NOMO1: variants seen among roughly 807,000 people sequenced by gnomAD.
NOMO1 encodes nodal modulator 3.
In NOMO1, 40 loss-of-function variants were observed where a neutral mutation model predicts 133.8. That is an observed-to-expected ratio of 0.30 (90% confidence interval 0.23 to 0.39). The LOEUF (loss-of-function observed/expected upper bound fraction) is 0.39. Among genes scored for constraint, NOMO1 ranks in the 10% least tolerant of loss-of-function variants. The pLI, the probability that NOMO1 is intolerant of heterozygous loss-of-function variation, is 1.00. For synonymous variants in NOMO1, 236 were observed against 570.5 expected (o/e 0.41, Z 8.36); for missense variants, 462 against 1,419.9 (o/e 0.33, Z 10.84).
At chr16:14,884,518 C>T in intron 27 of NOMO1, 36 bp downstream of exon 27, 1 of 1,611,262 alleles carries the variant, frequency 6.2e-7, no homozygotes, top group Non-Finnish European at 8.5e-7. Context: ...GTATTGTGTT[C>T]CCTTTGGCTT....
intron 30 of NOMO1, 62 bp from the exon 31 acceptor site, chr16:14,895,452 T>C: frequency 1.9e-6 from 3 of 1,609,042 alleles, no homozygotes; most frequent in South Asian, 2.2e-5. Flanking sequence ...GAGGCTCCGC[T>C]GTTCATCTGG....
chr16:14,835,932 G>T (rs997121385), intron 1 of NOMO1, among the ~76,000 whole-genome samples: 3 of 151,760 alleles, frequency 2.0e-5, no homozygotes, highest in African/African-American at 7.3e-5. Flanking sequence ...TAGCAGTACA[G>T]TGAACAGAAC....
At chr16:14,880,777 A>T (rs994095343) in intron 24 of NOMO1, among the ~76,000 whole-genome samples, 14 of 151,920 alleles carry the variant, frequency 9.2e-5, no homozygotes, top group Admixed American at 2.6e-4. Flanking sequence ...TGAAAAGAGT[A>T]TAGTGTAAAA....
chr16:14,874,011 G>C (rs1458639863), intron 18 of NOMO1, among the ~76,000 whole-genome samples: 1 of 148,746 alleles, frequency 6.7e-6, no homozygotes, highest in East Asian at 2.0e-4. Context: ...TTTACCACTT[G>C]GCCCTCAGCC....
At chr16:14,881,402 G>A (rs1163820028) in intron 24 of NOMO1, 142 bp from the exon 25 acceptor site, 22 of 1,586,604 alleles carry the variant, frequency 1.4e-5, no homozygotes, top group Middle Eastern at 2.3e-4. Flanking sequence ...GAAGTGGGCC[G>A]GCCACACTGA....
chr16:14,864,575 G>A lies in NOMO1; in HGVS notation c.1396-10G>A, dbSNP rs370314055. The A allele has an allele frequency of 1.4e-5, 22 of 1,613,468 alleles. No homozygotes were observed. In the African/African-American group the frequency reaches 1.9e-4, roughly 14 times the overall value. On this transcript the variant is annotated splice_polypyrimidine_tract_variant and intron_variant, in intron 12 of 30. Transcript: ENST00000287667. Reference sequence around the variant, plus strand: ...ATGCAGCCTCTAACGTTCCATCCACGTTTCCACAGGTGATGGTTCCTGAGG... The same window carrying A: ...ATGCAGCCTCTAACGTTCCATCCACATTTCCACAGGTGATGGTTCCTGAGG...
chr16:14,866,733 G>T, intron 15 of NOMO1, 42 bp downstream of exon 15: 1 of 1,609,718 alleles, frequency 6.2e-7, no homozygotes. Context: ...AAAAGCGCTC[G>T]CCTTGTGGAT....
chr16:14,865,897 C>A (rs1177679897), intron 14 of NOMO1, among the ~76,000 whole-genome samples: 1 of 114,612 alleles, frequency 8.7e-6, no homozygotes, highest in African/African-American at 3.6e-5. Flanking sequence ...TCGTGTGTAA[C>A]AGTGGCCAAG....
intron 27 of NOMO1, 37 bp from the exon 28 acceptor site, chr16:14,886,724 A>C (rs1248058595): frequency 6.2e-7 from 1 of 1,610,370 alleles, no homozygotes. Context: ...ATTGTGTTTC[A>C]GTTTCAAAGC....
rs1418573983 is a variant in NOMO1 at position 14,838,490 on chromosome 16, T to C, written c.249T>C (p.Tyr83=). Residue 83 remains tyrosine (Y), a synonymous_variant, in exon 2 of 31, where the codon TAT becomes TAC. Transcript: ENST00000287667. Reference sequence around the variant, plus strand: ...ATGGTTACTTTATGATCCCTTTGTATGATAAGGTAAGAGGGGACTGCTTGT... The same window carrying C: ...ATGGTTACTTTATGATCCCTTTGTACGATAAGGTAAGAGGGGACTGCTTGT... ...PNNGYFMIPL[Y]DKGDFILKIE... The C allele has an allele frequency of 1.9e-6, 3 of 1,611,736 alleles. No individual in the cohort carries two copies. The highest frequency in any genetic ancestry group is 1.7e-6 in the Non-Finnish European group (2 of 1,179,814).
chr16:14,851,083 CAA>C (rs61323903), intron 6 of NOMO1, among the ~76,000 whole-genome samples: 206 of 97,250 alleles, frequency 2.1e-3, no homozygotes, highest in African/African-American at 2.3e-3. Context: ...GACTCCATCT[CAA>C]AAAAAAAAAA....
At chr16:14,885,189 G>C (rs572101958) in intron 27 of NOMO1, among the ~76,000 whole-genome samples, 1 of 152,180 alleles carries the variant, frequency 6.6e-6, no homozygotes, top group Admixed American at 6.5e-5. Flanking sequence ...CCTCCGGCAC[G>C]GGGGATTACA....
chr16:14,868,504 C>T, intron 15 of NOMO1, 44 bp from the exon 16 acceptor site: 2 of 1,566,062 alleles, frequency 1.3e-6, no homozygotes, highest in Non-Finnish European at 8.8e-7. Flanking sequence ...ATCTTGGTGT[C>T]TCCATCTCTC....
At chr16:14,835,724 T>C (rs1963496402) in intron 1 of NOMO1, among the ~76,000 whole-genome samples, 1 of 151,798 alleles carries the variant, frequency 6.6e-6, no homozygotes, top group African/African-American at 2.4e-5. Context: ...TGTGTCCTGA[T>C]TGTACTTTAT....
chr16:14,886,915 G>C, intron 28 of NOMO1, 53 bp downstream of exon 28: 1 of 1,547,406 alleles, frequency 6.5e-7, no homozygotes, highest in Non-Finnish European at 8.9e-7. Flanking sequence ...TAATTCTGCT[G>C]TTTAGTTTAA....
chr16:14,864,555 G>A lies in NOMO1; in HGVS notation c.1396-30G>A, dbSNP rs376972906. 4 of 1,613,004 alleles carry A rather than the reference G, an allele frequency of 2.5e-6. No individual in the cohort carries two copies. The African/African-American group carries it at 5.4e-5, about 22-fold the overall frequency. Reference sequence around the variant, plus strand: ...CAGGGGGAAGATCTCCCCGAATGCAGCCTCTAACGTTCCATCCACGTTTCC... The same window carrying A: ...CAGGGGGAAGATCTCCCCGAATGCAACCTCTAACGTTCCATCCACGTTTCC... On this transcript the variant is annotated intron_variant, in intron 12 of 30. Transcript: ENST00000287667.
rs1203124360 is a variant in NOMO1, at chr16:14,889,624, T to A, written c.3444+409T>A. Among the ~76,000 whole-genome samples, 4 of 151,854 alleles carry A rather than the reference T, an allele frequency of 2.6e-5. 1 individual carries two copies. Among genetic ancestry groups the A allele is most frequent in the African/African-American group, 4.9e-5 (2 of 41,218 alleles). On this transcript the variant is annotated intron_variant, in intron 29 of 30. Transcript: ENST00000287667. ...TACAACCTGTGCTCCAGATCGCAGG[T>A]TGCAGGGCAGATATTTAAAGGGCTC...
intron 18 of NOMO1, among the ~76,000 whole-genome samples, chr16:14,874,056 C>T (rs543285688): frequency 6.1e-4 from 24 of 39,116 alleles, no homozygotes; most frequent in African/African-American, 9.2e-4. Context: ...ACTGTAGCAG[C>T]TTCCCAGCTG....
intron 1 of NOMO1, among the ~76,000 whole-genome samples, chr16:14,837,747 AT>A (rs59879841): frequency 1.5e-5 from 2 of 133,984 alleles, no homozygotes; most frequent in Non-Finnish European, 3.2e-5. Context: ...ATTTTACTTT[AT>A]TTTTTTTTAT....
Sources: allele counts gnomAD v4.1 joint callset (sites outside exome capture counted in the v4.1 genomes callset), GRCh38; gene constraint gnomAD v4.1.1; transcripts MANE v1.5; gene names NCBI Gene and HGNC (gene_info 2026-07-23, HGNC 2026-07-21).